The following RAD51B variants were observed in gnomAD, a reference collection of about 807,000 sequenced individuals.
RAD51B encodes RAD51 paralog B, also known as DNA repair protein RAD51 homolog 2.
A neutral mutation model predicts 42.2 loss-of-function variants in RAD51B; 38 were observed. The ratio of observed to expected loss-of-function variants is 0.90; its 90% CI spans 0.70 to 1.18. The LOEUF is 1.18. Ranked by LOEUF, RAD51B falls within the 50% of genes most tolerant of loss-of-function variation. The pLI, the probability that RAD51B is intolerant of heterozygous loss-of-function variation, is 0.00. For synonymous variants in RAD51B, 154 were observed against 145.2 expected (o/e 1.06, Z -0.43); for missense variants, 373 against 400.7 (o/e 0.93, Z 0.59).
chr14:68,461,210 G>T (rs2085836081), intron 9 of RAD51B, among the ~76,000 whole-genome samples: 1 of 151,954 alleles, frequency 6.6e-6, no homozygotes, highest in South Asian at 2.1e-4. Flanking sequence ...TTTGTATTTA[G>T]ACTTTCAGGG....
chr14:67,896,752 C>T (rs1321218388), intron 7 of RAD51B, among the ~76,000 whole-genome samples: 2 of 152,020 alleles, frequency 1.3e-5, no homozygotes, highest in Non-Finnish European at 2.9e-5. Context: ...TTTACATATC[C>T]TTTGCGTTTC....
chr14:68,520,459 A>T (rs1886496886), intron 10 of RAD51B, among the ~76,000 whole-genome samples: 1 of 152,230 alleles, frequency 6.6e-6, no homozygotes, highest in African/African-American at 2.4e-5. Flanking sequence ...TTAAGCTTGT[A>T]GCTGTTTGCT....
intron 8 of RAD51B, among the ~76,000 whole-genome samples, chr14:68,375,340 TC>T (rs1345584900): frequency 6.6e-6 from 1 of 152,172 alleles, no homozygotes; most frequent in Non-Finnish European, 1.5e-5. Context: ...ATTCTATTTT[TC>T]TTTAGAGATC....
At chr14:68,417,806 A>C (rs1216092051) in intron 9 of RAD51B, among the ~76,000 whole-genome samples, 1 of 152,208 alleles carries the variant, frequency 6.6e-6, no homozygotes. Flanking sequence ...ACTCCCTTTG[A>C]AAAAAGTCAA....
At chr14:68,241,746 A>C (rs1014315940) in intron 7 of RAD51B, among the ~76,000 whole-genome samples, 1 of 151,900 alleles carries the variant, frequency 6.6e-6, no homozygotes, top group Non-Finnish European at 1.5e-5. Context: ...CAGCTCATGT[A>C]TGTTTTGTCT....
chr14:68,003,881 A>G (rs181731637), intron 7 of RAD51B, among the ~76,000 whole-genome samples: 1 of 152,288 alleles, frequency 6.6e-6, no homozygotes, highest in Admixed American at 6.5e-5. Context: ...ATTGTGGTGG[A>G]TAAACTTTTT....
intron 7 of RAD51B, among the ~76,000 whole-genome samples, chr14:67,976,883 A>T (rs914852290): frequency 5.3e-5 from 8 of 152,132 alleles, no homozygotes; most frequent in African/African-American, 1.9e-4. Context: ...AAAACAAACA[A>T]CCTCATCAAC....
In RAD51B at chr14:68,001,655, G is replaced by A. The variant is rs867497744; in HGVS notation, c.756+114451G>A. On this transcript the variant is annotated intron_variant, in intron 7 of 10. Coordinates refer to ENST00000471583, the MANE Select transcript of RAD51B (RefSeq NM_133510.4). ...GATCATCTCATTACCTAGGTATTAA[G>A]CCCAGCATCTGTTAGCTATTCTTCC... Among the ~76,000 whole-genome samples, 4 of 152,184 alleles carry A rather than the reference G, an allele frequency of 2.6e-5. No individual in the cohort carries two copies. In the South Asian group the frequency reaches 8.3e-4, roughly 32 times the overall value.
chr14:68,494,603 T>C (rs1440229573), intron 10 of RAD51B, among the ~76,000 whole-genome samples: 6 of 152,136 alleles, frequency 3.9e-5, no homozygotes, highest in Non-Finnish European at 8.8e-5. Flanking sequence ...TGCTTCCTAT[T>C]CTTGTTGCCT....
At chr14:68,201,102 A>G (rs2079476298) in intron 7 of RAD51B, among the ~76,000 whole-genome samples, 1 of 152,136 alleles carries the variant, frequency 6.6e-6, no homozygotes, top group Non-Finnish European at 1.5e-5. Flanking sequence ...TTCCTCATGA[A>G]TTTTTTAAAA....
chr14:67,840,036 T>G (rs1232500236), intron 4 of RAD51B, among the ~76,000 whole-genome samples: 1 of 152,194 alleles, frequency 6.6e-6, no homozygotes, highest in Non-Finnish European at 1.5e-5. Context: ...TTTTTGAAGT[T>G]CCCTGAGACA....
At chr14:68,434,508 T>C (rs1421421785) in intron 9 of RAD51B, among the ~76,000 whole-genome samples, 1 of 152,226 alleles carries the variant, frequency 6.6e-6, no homozygotes, top group Non-Finnish European at 1.5e-5. Flanking sequence ...GTGCTAGCAA[T>C]GAGCGAGGCT....
intron 10 of RAD51B, among the ~76,000 whole-genome samples, chr14:68,549,141 C>T (rs1888383862): frequency 6.6e-6 from 1 of 152,060 alleles, no homozygotes; most frequent in Non-Finnish European, 1.5e-5. Flanking sequence ...GATAGTCTCC[C>T]AGCTGTCTGT....
chr14:68,661,329 C>T (rs1892927763), intron 11 of RAD51B, among the ~76,000 whole-genome samples: 1 of 152,188 alleles, frequency 6.6e-6, no homozygotes, highest in African/African-American at 2.4e-5. Flanking sequence ...CAGTAAGCCT[C>T]CTGAGGGCAG....
At chr14:68,028,152 A>G (rs1010676000) in intron 7 of RAD51B, among the ~76,000 whole-genome samples, 3 of 152,158 alleles carry the variant, frequency 2.0e-5, no homozygotes, top group African/African-American at 7.2e-5. Context: ...CTTAAGAGTA[A>G]TGATCAGTAG....
At chr14:68,054,949 A>G (rs148343329) in intron 7 of RAD51B, among the ~76,000 whole-genome samples, 37 of 152,296 alleles carry the variant, frequency 2.4e-4, no homozygotes, top group African/African-American at 8.2e-4. Flanking sequence ...GTGTCTACTA[A>G]AGAACCGATT....
intron 7 of RAD51B, among the ~76,000 whole-genome samples, chr14:68,009,201 G>T (rs1232755856): frequency 6.6e-6 from 1 of 151,854 alleles, no homozygotes; most frequent in Non-Finnish European, 1.5e-5. Context: ...CTGATTAGGG[G>T]TGTAACAAAG....
At chr14:68,080,319 T>G (rs2076894461) in intron 7 of RAD51B, among the ~76,000 whole-genome samples, 1 of 152,250 alleles carries the variant, frequency 6.6e-6, no homozygotes, top group Non-Finnish European at 1.5e-5. Flanking sequence ...TTCCATAATG[T>G]CCAATTGTAT....
chr14:68,434,457 C>T (rs2085095688), intron 9 of RAD51B, among the ~76,000 whole-genome samples: 1 of 152,222 alleles, frequency 6.6e-6, no homozygotes, highest in Admixed American at 6.5e-5. Flanking sequence ...GTGCCTCTCC[C>T]CCAGCCTCGC....
Sources: allele counts gnomAD v4.1 joint callset (sites outside exome capture counted in the v4.1 genomes callset), GRCh38; gene constraint gnomAD v4.1.1; transcripts MANE v1.5; gene names NCBI Gene and HGNC (gene_info 2026-07-23, HGNC 2026-07-21).